DRG1: variants seen among roughly 807,000 people sequenced by gnomAD.
DRG1 encodes the protein developmentally-regulated GTP-binding protein 1.
In DRG1, 19 loss-of-function variants were observed where a neutral mutation model predicts 38.8. The ratio of observed to expected loss-of-function variants is 0.49; its 90% CI spans 0.34 to 0.72. DRG1 has a LOEUF of 0.72. Ranked by LOEUF, DRG1 falls within the 30% of genes least tolerant of loss-of-function variation. The pLI is 0.01. For synonymous variants in DRG1, 167 were observed against 157.5 expected, an observed-to-expected ratio of 1.06 and a Z score of -0.45; for missense variants, 299 against 444.8, an observed-to-expected ratio of 0.67 and a Z score of 2.95.
At chr22:31,431,018 T>TCCCCCCCCC (rs1491207511) in intron 8 of DRG1, among the ~76,000 whole-genome samples, 1 of 33,702 alleles carries the variant, frequency 3.0e-5, no homozygotes, top group Non-Finnish European at 5.2e-5. Flanking sequence ...GCACCCGGCC[T>TCCCCCCCCC]TCCCCCCCCC....
chr22:31,419,689 T>C (rs908690870), intron 4 of DRG1, among the ~76,000 whole-genome samples: 1 of 152,088 alleles, frequency 6.6e-6, no homozygotes, highest in Non-Finnish European at 1.5e-5. Context: ...GTTATTGAAC[T>C]GTGTGCTTTA....
chr22:31,408,112 C>T (rs1384899735), intron 3 of DRG1, among the ~76,000 whole-genome samples: 3 of 136,816 alleles, frequency 2.2e-5, no homozygotes, highest in Non-Finnish European at 3.1e-5. Context: ...GGTGATGGAG[C>T]GAGACTCCCC....
chr22:31,421,753 T>A (rs1485878492), intron 5 of DRG1, among the ~76,000 whole-genome samples: 1 of 152,052 alleles, frequency 6.6e-6, no homozygotes, highest in Non-Finnish European at 1.5e-5. Flanking sequence ...GCTGGATATA[T>A]AAATTTGGTG....
rs749532013 is a variant in DRG1, at chr22:31,399,639, G to A, written c.-45G>A. ...GGTGGCGGTGGCAGTTTGCCCGCGG[G>A]TGTGTGAAGGGAGACAGTGTGGAGG... On this transcript the variant is annotated 5_prime_UTR_variant, in exon 1 of 9. In the 5' UTR this introduces an upstream ATG that the reference lacks. Coordinates refer to ENST00000331457, the MANE Select transcript of DRG1 (RefSeq NM_004147.4). 1 of 1,613,814 alleles carries A rather than the reference G, an allele frequency of 6.2e-7. No individual in the cohort carries two copies. The highest frequency in any genetic ancestry group is 1.3e-5 in the African/African-American group (1 of 74,944).
intron 8 of DRG1, among the ~76,000 whole-genome samples, chr22:31,432,488 C>T (rs1196398066): frequency 2.0e-5 from 3 of 150,878 alleles, no homozygotes; most frequent in African/African-American, 4.9e-5. Context: ...TGCAGTGGCG[C>T]GATCTTGGCT....
chr22:31,422,170 G>A (rs916702353), intron 5 of DRG1, among the ~76,000 whole-genome samples: 3 of 151,522 alleles, frequency 2.0e-5, no homozygotes, highest in Admixed American at 1.3e-4. Flanking sequence ...GGTGGCTTAC[G>A]CCTGTAATCC....
intron 5 of DRG1, among the ~76,000 whole-genome samples, chr22:31,421,109 G>C (rs1447013057): frequency 6.6e-6 from 1 of 151,856 alleles, no homozygotes; most frequent in Non-Finnish European, 1.5e-5. Flanking sequence ...TAGTAGAGAC[G>C]GGGTTTCACC....
At chr22:31,413,609 G>GTTTTTTTTTTTTTTTT (rs35654476) in intron 4 of DRG1, among the ~76,000 whole-genome samples, 1 of 60,464 alleles carries the variant, frequency 1.7e-5, no homozygotes, top group Non-Finnish European at 2.9e-5. Context: ...CCTATTGTGG[G>GTTTTTTTTTTTTTTTT]TTTTTTTTTT....
intron 2 of DRG1, 64 bp from the exon 3 acceptor site, chr22:31,402,965 G>A (rs1437914245): frequency 6.6e-6 from 10 of 1,519,374 alleles, no homozygotes; most frequent in Non-Finnish European, 8.0e-6. Context: ...TGTGAAAGAA[G>A]TTATATGAGT....
intron 4 of DRG1, among the ~76,000 whole-genome samples, chr22:31,414,851 C>T (rs2050035827): frequency 6.6e-6 from 1 of 151,264 alleles, no homozygotes; most frequent in South Asian, 2.1e-4. Flanking sequence ...ATGATCACAG[C>T]TCACTGCAGC....
Position 31,411,297 on chromosome 22 carries a change from G to A in DRG1, c.412+216G>A, listed in dbSNP as rs144396250. ...ACATTGTAGCTCCTAGGCATGTATG[G>A]GTATAGAGCTCTTGAAATGTGCCTA... On this transcript the variant is annotated intron_variant, in intron 4 of 8. Coordinates refer to ENST00000331457, the MANE Select transcript of DRG1 (RefSeq NM_004147.4). Among the ~76,000 whole-genome samples the A allele has an allele frequency of 3.3e-3, 501 of 152,204 alleles. 1 individual carries two copies. The highest frequency in any genetic ancestry group is 8.1e-3 in the South Asian group (39 of 4,826).
chr22:31,424,016 C>A (rs776939938), intron 6 of DRG1, among the ~76,000 whole-genome samples: 1 of 151,490 alleles, frequency 6.6e-6, no homozygotes, highest in Non-Finnish European at 1.5e-5. Flanking sequence ...AGGCCTGTGC[C>A]GCCACGCCTG....
chr22:31,401,682 G>T (rs1396038538), intron 2 of DRG1, among the ~76,000 whole-genome samples: 1 of 151,832 alleles, frequency 6.6e-6, no homozygotes, highest in East Asian at 1.9e-4. Flanking sequence ...CTTGAACCCA[G>T]GAGGTTGAGG....
At chr22:31,424,315 C>G (rs533579414) in intron 6 of DRG1, among the ~76,000 whole-genome samples, 11 of 151,780 alleles carry the variant, frequency 7.2e-5, no homozygotes, top group African/African-American at 2.7e-4. Flanking sequence ...CCATGCCCAG[C>G]TAATTTTGTA....
intron 2 of DRG1, 149 bp downstream of exon 2, chr22:31,400,892 C>G: frequency 1.1e-6 from 1 of 898,418 alleles, no homozygotes; most frequent in South Asian, 1.7e-5. Flanking sequence ...ATAGGAGGAT[C>G]ACTTGAGGCC....
At chr22:31,433,799 G>C (rs2050156020) in intron 8 of DRG1, 73 bp from the exon 9 acceptor site, 3 of 1,332,996 alleles carry the variant, frequency 2.3e-6, no homozygotes, top group East Asian at 2.3e-5. Context: ...TGAGCAGAAG[G>C]GTGGCATCCA....
intron 4 of DRG1, among the ~76,000 whole-genome samples, chr22:31,414,370 C>T (rs999444223): frequency 1.3e-5 from 2 of 151,966 alleles, no homozygotes; most frequent in African/African-American, 4.8e-5. Context: ...TTAGCTGAGG[C>T]GGGAGGATCA....
At chr22:31,425,418 A>G (rs943224603) in intron 6 of DRG1, among the ~76,000 whole-genome samples, 1 of 151,358 alleles carries the variant, frequency 6.6e-6, no homozygotes, top group Non-Finnish European at 1.5e-5. Context: ...ATGTAGCTGA[A>G]TATCTGTTTC....
intron 8 of DRG1, among the ~76,000 whole-genome samples, chr22:31,431,630 CT>C (rs2050140045): frequency 6.6e-6 from 1 of 152,190 alleles, no homozygotes; most frequent in Admixed American, 6.5e-5. Context: ...ATCATGCCCC[CT>C]GTACTCTAGC....
Sources: gnomAD v4.1 joint callset for allele counts (sites outside exome capture counted in the v4.1 genomes callset) on GRCh38, gnomAD v4.1.1 for gene constraint, MANE v1.5 for transcripts, NCBI Gene and HGNC (gene_info 2026-07-23, HGNC 2026-07-21) for gene names.